The following MS4A4A variants were observed in gnomAD, a reference collection of about 807,000 sequenced individuals.
MS4A4A encodes membrane spanning 4-domains A4A, also known as membrane-spanning 4-domains subfamily A member 4A.
A neutral mutation model predicts 28.0 loss-of-function variants in MS4A4A; 26 were observed. The ratio of observed to expected loss-of-function variants is 0.93; its 90% CI spans 0.68 to 1.29. The LOEUF (loss-of-function observed/expected upper bound fraction) is 1.29, where lower values mean the gene tolerates loss of function less well. MS4A4A is among the 50% of genes most tolerant of loss of function. MS4A4A has a pLI of 0.00. For synonymous variants in MS4A4A, 86 were observed against 100.8 expected, an observed-to-expected ratio of 0.85 and a Z score of 0.88; for missense variants, 290 against 293.1, an observed-to-expected ratio of 0.99 and a Z score of 0.08.
rs138361583 is a variant in MS4A4A at position 60,294,241 on chromosome 11, C to T, written c.201+1857C>T. ...GACCATCTTTTCATGCGTTTCTTTA[C>T]CATCTCTATATCTTCTTTCGTAAGG... On this transcript the variant is annotated intron_variant, in intron 2 of 6. Transcript: ENST00000337908. Among the ~76,000 whole-genome samples, 962 of 152,202 alleles carry T rather than the reference C, an allele frequency of 6.3e-3. 7 individuals are homozygous for T. Among genetic ancestry groups the T allele is most frequent in the African/African-American group, 0.022 (906 of 41,508 alleles).
intron 3 of MS4A4A, among the ~76,000 whole-genome samples, chr11:60,300,615 CAAAAAA>C (rs760648433): frequency 2.5e-4 from 9 of 36,032 alleles, no homozygotes; most frequent in South Asian, 1.2e-3. Flanking sequence ...GACTCCGTCT[CAAAAAA>C]AAAAAAAAAA....
At chr11:60,282,546 G>A (rs1189357234) in intron 1 of MS4A4A, 4 of 1,272,040 alleles carry the variant, frequency 3.1e-6, no homozygotes, top group African/African-American at 3.1e-5. Context: ...TGCTGTTCAT[G>A]TGTGAGAAGA....
chr11:60,284,571 G>T (rs2084787254), intron 1 of MS4A4A, among the ~76,000 whole-genome samples: 1 of 152,044 alleles, frequency 6.6e-6, no homozygotes, highest in South Asian at 2.1e-4. Context: ...CTCAAAGATT[G>T]GTCAGAAGAG....
intron 5 of MS4A4A, chr11:60,305,833 T>G (rs1023479784): frequency 5.0e-6 from 2 of 402,732 alleles, no homozygotes; most frequent in Non-Finnish European, 8.9e-6. Flanking sequence ...CCTTCCTAAC[T>G]TTTTAAAGCA....
At chr11:60,297,375 C>A in intron 3 of MS4A4A, 50 bp downstream of exon 3, 2 of 1,592,612 alleles carry the variant, frequency 1.3e-6, no homozygotes, top group South Asian at 2.2e-5. Context: ...AAGCAGTTGT[C>A]AATACCCTGA....
intron 5 of MS4A4A, chr11:60,305,874 G>A: frequency 1.9e-6 from 1 of 524,284 alleles, no homozygotes; most frequent in Non-Finnish European, 3.4e-6. Flanking sequence ...AATAGCACTG[G>A]GAGGTGCTGA....
At chr11:60,282,796 A>C (rs1298717889) in intron 1 of MS4A4A, 6 of 1,174,808 alleles carry the variant, frequency 5.1e-6, no homozygotes, top group Non-Finnish European at 3.2e-6. Flanking sequence ...CAACATTAAA[A>C]ATTTTAACTT....
At position 60,308,233 on chromosome 11, in the gene MS4A4A, C is replaced by T. The variant is rs1448942700; in HGVS notation, c.*55C>T. The T allele has an allele frequency of 6.5e-7, 1 of 1,532,624 alleles. No individual in the cohort carries two copies. The highest frequency in any genetic ancestry group is 9.0e-7 in the Non-Finnish European group (1 of 1,107,740). 94.9% of individuals were successfully genotyped at this position (1,532,624 alleles called of 1,614,324 possible). Reference sequence around the variant, plus strand: ...CCAGAAATCTATGCTGACTGTGACACAAGAGCCTCACATGAGAAATTACCA... The same window carrying T: ...CCAGAAATCTATGCTGACTGTGACATAAGAGCCTCACATGAGAAATTACCA... On this transcript the variant is annotated 3_prime_UTR_variant, in exon 7 of 7. Transcript: ENST00000337908.
chr11:60,300,942 G>A lies in MS4A4A; in HGVS notation c.331-59G>A, dbSNP rs2084948144. On this transcript the variant is annotated intron_variant, in intron 3 of 6. Coordinates refer to ENST00000337908, the MANE Select transcript of MS4A4A (RefSeq NM_148975.3). ...TCTAATTTAGAATTAAGTTTAGTAA[G>A]TTATGACTCCCAATACTGGCTTAAA... 3.2e-6 allele frequency: 4 copies of A among 1,266,128 alleles called. No homozygotes were observed. In the East Asian group the frequency reaches 9.7e-5, roughly 31 times the overall value. 78.4% of individuals were successfully genotyped at this position (1,266,128 alleles called of 1,614,324 possible).
rs2084964199 is a variant in MS4A4A at position 60,302,723 on chromosome 11, T to C, written c.546+6T>C. 8.1e-6 allele frequency: 13 copies of C among 1,612,284 alleles called. No homozygotes were observed. Among genetic ancestry groups the C allele is most frequent in the Non-Finnish European group, 1.1e-5 (13 of 1,178,710 alleles). ...GGACTATGTCCATCTTAATGGTTGG[T>C]ACTGCCTCTTTTCAGGGGATATTAT... On this transcript the variant is annotated splice_donor_region_variant and intron_variant, in intron 5 of 6. Coordinates refer to ENST00000337908, the MANE Select transcript of MS4A4A (RefSeq NM_148975.3).
At chr11:60,306,508 C>T (rs1449917157) in intron 6 of MS4A4A, among the ~76,000 whole-genome samples, 7 of 152,166 alleles carry the variant, frequency 4.6e-5, no homozygotes, top group African/African-American at 1.4e-4. Context: ...CAGCCGGTTG[C>T]TAATGCTTTA....
chr11:60,294,400 G>C (rs1054592778), intron 2 of MS4A4A, among the ~76,000 whole-genome samples: 2 of 152,118 alleles, frequency 1.3e-5, no homozygotes, highest in Non-Finnish European at 2.9e-5. Context: ...CTCCCAGTCT[G>C]TTGTTTGTCT....
chr11:60,291,808 A>AC (rs397694924), intron 1 of MS4A4A, among the ~76,000 whole-genome samples: 2 of 150,952 alleles, frequency 1.3e-5, no homozygotes, highest in East Asian at 1.9e-4. Flanking sequence ...AAAAAAAAAA[A>AC]CAAAAAAACA....
At chr11:60,307,056 A>G (rs2085009377) in intron 6 of MS4A4A, among the ~76,000 whole-genome samples, 1 of 152,218 alleles carries the variant, frequency 6.6e-6, no homozygotes, top group East Asian at 1.9e-4. Flanking sequence ...GGGGAGGGAT[A>G]TCCTCCAAGA....
At chr11:60,294,542 A>T (rs1162634810) in intron 2 of MS4A4A, among the ~76,000 whole-genome samples, 2 of 152,108 alleles carry the variant, frequency 1.3e-5, no homozygotes, top group African/African-American at 2.4e-5. Flanking sequence ...ACCCAAGGTC[A>T]TCTAGATTTT....
intron 5 of MS4A4A, among the ~76,000 whole-genome samples, chr11:60,303,766 C>T (rs1336304130): frequency 6.6e-6 from 1 of 152,032 alleles, no homozygotes; most frequent in African/African-American, 2.4e-5. Context: ...TGTTACTTTC[C>T]CTCTATATGA....
intron 3 of MS4A4A, among the ~76,000 whole-genome samples, chr11:60,299,453 T>TC (rs1289309612): frequency 1.3e-5 from 2 of 150,494 alleles, no homozygotes; most frequent in Admixed American, 1.3e-4. Context: ...CAATTCTTTT[T>TC]TTTTTTTTTT....
At chr11:60,292,407 G>A (rs765123858) in intron 2 of MS4A4A, 23 bp downstream of exon 2, 10 of 1,563,312 alleles carry the variant, frequency 6.4e-6, no homozygotes, top group East Asian at 2.4e-5. Flanking sequence ...TCTAGGGGAA[G>A]ACCAATGGTG....
Position 60,308,325 on chromosome 11 carries a change from G to T in MS4A4A, c.*147G>T. On this transcript the variant is annotated 3_prime_UTR_variant, in exon 7 of 7. Transcript: ENST00000337908. ...TATATGTAATCCAATTATGAACTGT[G>T]TGTGTATAGAGAGATAATAAATTCA... 1 of 698,484 alleles carries T rather than the reference G, an allele frequency of 1.4e-6. No homozygotes were observed. Among genetic ancestry groups the T allele is most frequent in the Non-Finnish European group, 2.4e-6 (1 of 417,786 alleles). The allele number at this position is 698,484 out of a possible 1,614,324, so 43.3% of individuals were successfully genotyped here.
Sources: allele counts gnomAD v4.1 joint callset (sites outside exome capture counted in the v4.1 genomes callset), GRCh38; gene constraint gnomAD v4.1.1; transcripts MANE v1.5; gene names NCBI Gene and HGNC (gene_info 2026-07-23, HGNC 2026-07-21).